The following LRP6 variants were observed in gnomAD, a reference collection of about 807,000 sequenced individuals.
LRP6 encodes the protein LDL receptor related protein 6.
A neutral mutation model predicts 184.1 loss-of-function variants in LRP6; 43 were observed. That is an observed-to-expected ratio of 0.23 (90% confidence interval 0.18 to 0.30). The LOEUF (loss-of-function observed/expected upper bound fraction) is 0.30, where lower values mean the gene tolerates loss of function less well. Among genes scored for constraint, LRP6 ranks in the 10% least tolerant of loss-of-function variants. LRP6 has a pLI of 1.00. For synonymous variants in LRP6, 719 were observed against 684.9 expected, an observed-to-expected ratio of 1.05 and a Z score of -0.78; for missense variants, 1,571 against 2,005.3, an observed-to-expected ratio of 0.78 and a Z score of 4.14.
chr12:12,218,131 G>A (rs377578355), intron 2 of LRP6, among the ~76,000 whole-genome samples: 5 of 152,186 alleles, frequency 3.3e-5, no homozygotes, highest in East Asian at 3.9e-4. Flanking sequence ...TCGTATGTCC[G>A]ACAAAGGTCT....
chr12:12,210,614 T>G (rs962447456), intron 2 of LRP6, among the ~76,000 whole-genome samples: 2 of 152,136 alleles, frequency 1.3e-5, no homozygotes, highest in Non-Finnish European at 2.9e-5. Context: ...AATCCAGAAG[T>G]GTTGAGCCAT....
At chr12:12,225,148 G>A (rs1864585897) in intron 2 of LRP6, among the ~76,000 whole-genome samples, 1 of 152,130 alleles carries the variant, frequency 6.6e-6, no homozygotes, top group South Asian at 2.1e-4. Context: ...GAGGATGGGA[G>A]GATGCAGTGA....
At chr12:12,174,985 A>G (rs188900784) in intron 7 of LRP6, among the ~76,000 whole-genome samples, 3 of 152,360 alleles carry the variant, frequency 2.0e-5, no homozygotes, top group Admixed American at 1.3e-4. Flanking sequence ...ACATGTTCTT[A>G]CAGTAGACAT....
At chr12:12,235,482 G>A (rs933285568) in intron 2 of LRP6, among the ~76,000 whole-genome samples, 4 of 151,812 alleles carry the variant, frequency 2.6e-5, no homozygotes, top group African/African-American at 4.8e-5. Context: ...GTAATCTCAC[G>A]CACTTTGGGA....
chr12:12,199,750 G>T (rs2137034201), intron 3 of LRP6, among the ~76,000 whole-genome samples: 1 of 151,926 alleles, frequency 6.6e-6, no homozygotes, highest in African/African-American at 2.4e-5. Context: ...CGGATCACGA[G>T]GTAAGGAGTT....
At chr12:12,133,853 G>C (rs369780633) in intron 17 of LRP6, among the ~76,000 whole-genome samples, 1 of 104,184 alleles carries the variant, frequency 9.6e-6, no homozygotes, top group Non-Finnish European at 2.2e-5. Flanking sequence ...TTTGGGGGGG[G>C]GGGGGGGGGA....
chr12:12,135,425 G>T, intron 16 of LRP6, 125 bp from the exon 17 acceptor site: 2 of 537,538 alleles, frequency 3.7e-6, no homozygotes, highest in East Asian at 3.0e-5. Flanking sequence ...TAATCAGCTT[G>T]GACTCTTTTT....
intron 3 of LRP6, among the ~76,000 whole-genome samples, chr12:12,198,625 C>G (rs1446844035): frequency 6.6e-6 from 1 of 150,930 alleles, no homozygotes; most frequent in African/African-American, 2.4e-5. Context: ...CCTCTGCCTC[C>G]CGGATTCAAG....
chr12:12,155,597 T>C lies in LRP6; in HGVS notation c.2791+3232A>G. The C allele has an allele frequency of 3.9e-6, 3 of 777,622 alleles. No homozygotes were observed. The Admixed American group carries it at 5.6e-5, about 15-fold the overall frequency. The allele number at this position is 777,622 out of a possible 1,614,324, so 48.2% of individuals were successfully genotyped here. ...CTTCCTAAAGGAAGCTATCAGAAAA[T>C]GGAAAGTTATCAGAAAAAGAAGGAA... On this transcript the variant is annotated intron_variant, in intron 12 of 22. Coordinates refer to ENST00000261349, the MANE Select transcript of LRP6 (RefSeq NM_002336.3).
intron 2 of LRP6, among the ~76,000 whole-genome samples, chr12:12,225,014 G>T (rs1468274567): frequency 6.6e-6 from 1 of 152,170 alleles, no homozygotes; most frequent in Non-Finnish European, 1.5e-5. Flanking sequence ...AGACCAGCCT[G>T]ACCAACATGG....
chr12:12,184,626 T>C (rs569554725), intron 4 of LRP6, among the ~76,000 whole-genome samples: 9 of 152,266 alleles, frequency 5.9e-5, no homozygotes, highest in Admixed American at 5.9e-4. Flanking sequence ...GGTAAGATAT[T>C]AAGGTGAACA....
At chr12:12,187,244 C>T (rs956365797) in intron 3 of LRP6, 125 bp from the exon 4 acceptor site, 2 of 757,644 alleles carry the variant, frequency 2.6e-6, no homozygotes, top group Admixed American at 4.1e-5. Flanking sequence ...TAATACATAC[C>T]AATAGGTCAA....
At chr12:12,167,641 C>CAAAA (rs375921278) in intron 7 of LRP6, among the ~76,000 whole-genome samples, 3 of 118,938 alleles carry the variant, frequency 2.5e-5, no homozygotes, top group Non-Finnish European at 5.4e-5. Flanking sequence ...GACTCTGTCT[C>CAAAA]AAAAAAAAAA....
rs201920855 is a variant in LRP6 at position 12,121,407 on chromosome 12, T to A, written c.4561A>T (p.Ser1521Cys). The A allele has an allele frequency of 6.2e-7, 1 of 1,613,912 alleles. No individual in the cohort carries two copies. Among genetic ancestry groups the A allele is most frequent in the Non-Finnish European group, 8.5e-7 (1 of 1,179,958 alleles). Residue 1521 changes from serine to cysteine, a missense_variant, in exon 23 of 23, where the codon AGC becomes TGC. By Grantham distance (112) the Ser-to-Cys change is moderately radical (BLOSUM62 -1). Transcript: ENST00000261349. ...THRSYSYRPY[S>C]YRHFAPPTTP... ...GTGGGGGGTGCAAAGTGCCGGTAGC[T>A]ATATGGCCTGTAGCTGGTATAGGGA...
chr12:12,181,798 G>T (rs1427868649), intron 5 of LRP6, among the ~76,000 whole-genome samples: 1 of 152,168 alleles, frequency 6.6e-6, no homozygotes, highest in East Asian at 1.9e-4. Flanking sequence ...CTTTGTTCAA[G>T]AAGCATTTTT....
intron 2 of LRP6, among the ~76,000 whole-genome samples, chr12:12,233,793 G>A (rs1864855295): frequency 1.3e-5 from 2 of 152,058 alleles, no homozygotes; most frequent in Admixed American, 1.3e-4. Context: ...TTTTAGAGAT[G>A]GAAAATAAAG....
chr12:12,159,190 A>G (rs781229775), intron 11 of LRP6, 35 bp from the exon 12 acceptor site: 3 of 1,517,690 alleles, frequency 2.0e-6, no homozygotes, highest in Non-Finnish European at 2.7e-6. Flanking sequence ...GGGGAGAAGC[A>G]GAGTGATGAA....
At chr12:12,153,862 T>G (rs1950114645) in intron 12 of LRP6, among the ~76,000 whole-genome samples, 1 of 152,198 alleles carries the variant, frequency 6.6e-6, no homozygotes, top group South Asian at 2.1e-4. Context: ...AAGGCATATG[T>G]GTTCACTGGT....
At chr12:12,243,735 G>A (rs894035086) in intron 2 of LRP6, among the ~76,000 whole-genome samples, 2 of 152,098 alleles carry the variant, frequency 1.3e-5, no homozygotes, top group Non-Finnish European at 2.9e-5. Context: ...GGGCAACACG[G>A]TGAAATTCTG....
Sources: gnomAD v4.1 joint callset for allele counts (sites outside exome capture counted in the v4.1 genomes callset) on GRCh38, gnomAD v4.1.1 for gene constraint, MANE v1.5 for transcripts, NCBI Gene and HGNC (gene_info 2026-07-23, HGNC 2026-07-21) for gene names.